The following MAP2K6 variants were observed in gnomAD, a reference collection of about 807,000 sequenced individuals.
The protein encoded by MAP2K6 is dual specificity mitogen-activated protein kinase kinase 6.
Under a neutral mutation model 53.7 loss-of-function variants are expected in MAP2K6, and 16 were observed. The observed-to-expected ratio is 0.30, with a 90% CI of 0.20 to 0.45. MAP2K6 has a LOEUF of 0.45. MAP2K6 is among the 20% of genes least tolerant of loss of function. The probability of loss-of-function intolerance (pLI) is 1.00; values close to 1 mark genes in which losing one functional copy is unlikely to be tolerated. For missense variants in MAP2K6, 204 were observed against 411.9 expected, an observed-to-expected ratio of 0.50 and a Z score of 4.37; for synonymous variants, 132 against 143.1, an observed-to-expected ratio of 0.92 and a Z score of 0.55.
intron 2 of MAP2K6, among the ~76,000 whole-genome samples, chr17:69,508,392 C>G (rs1312696394): frequency 6.6e-6 from 1 of 152,090 alleles, no homozygotes; most frequent in African/African-American, 2.4e-5. Flanking sequence ...TTTACAATTT[C>G]TCTAGTGGCT....
chr17:69,449,513 C>CT (rs1168001547), intron 1 of MAP2K6, among the ~76,000 whole-genome samples: 1 of 106,988 alleles, frequency 9.3e-6, no homozygotes, highest in African/African-American at 5.6e-5. Flanking sequence ...TTCTTTCTTT[C>CT]TTTGTCTTTC....
chr17:69,453,558 T>G (rs950535078), intron 1 of MAP2K6, among the ~76,000 whole-genome samples: 1 of 152,244 alleles, frequency 6.6e-6, no homozygotes, highest in African/African-American at 2.4e-5. Context: ...CTCTTTCTCC[T>G]GCTCACCTCT....
intron 1 of MAP2K6, among the ~76,000 whole-genome samples, chr17:69,495,425 A>G (rs1908911302): frequency 6.6e-6 from 1 of 151,910 alleles, no homozygotes; most frequent in Non-Finnish European, 1.5e-5. Flanking sequence ...TAATAGAGAC[A>G]GGGTTTCACC....
chr17:69,534,214 G>A (rs1398363406), intron 10 of MAP2K6, among the ~76,000 whole-genome samples: 3 of 152,074 alleles, frequency 2.0e-5, no homozygotes, highest in Non-Finnish European at 4.4e-5. Context: ...AACCACCCAC[G>A]TAGACTCTCA....
At chr17:69,512,808 G>T (rs1909925729) in intron 2 of MAP2K6, among the ~76,000 whole-genome samples, 1 of 152,180 alleles carries the variant, frequency 6.6e-6, no homozygotes, top group South Asian at 2.1e-4. Context: ...GTCTCACGCA[G>T]TCTCTTGCCC....
At chr17:69,489,932 C>A (rs542262488) in intron 1 of MAP2K6, among the ~76,000 whole-genome samples, 1 of 152,236 alleles carries the variant, frequency 6.6e-6, no homozygotes, top group Non-Finnish European at 1.5e-5. Flanking sequence ...ACATGACTCT[C>A]ACAAACGTCC....
intron 10 of MAP2K6, among the ~76,000 whole-genome samples, chr17:69,527,445 G>T (rs1657478024): frequency 6.6e-6 from 1 of 152,214 alleles, no homozygotes; most frequent in South Asian, 2.1e-4. Context: ...ATATTTTCAT[G>T]AAAACTGCCA....
At chr17:69,461,659 C>T (rs1221555876) in intron 1 of MAP2K6, among the ~76,000 whole-genome samples, 2 of 152,006 alleles carry the variant, frequency 1.3e-5, no homozygotes, top group Non-Finnish European at 2.9e-5. Context: ...ATCTCCAAGG[C>T]CCCCCAGGGA....
At chr17:69,481,378 A>G (rs1242848595) in intron 1 of MAP2K6, among the ~76,000 whole-genome samples, 1 of 152,092 alleles carries the variant, frequency 6.6e-6, no homozygotes, top group East Asian at 1.9e-4. Context: ...GTCTTTATAT[A>G]CCATATTTTG....
intron 1 of MAP2K6, among the ~76,000 whole-genome samples, chr17:69,473,826 T>C (rs1157597776): frequency 2.0e-5 from 3 of 152,228 alleles, no homozygotes; most frequent in African/African-American, 7.2e-5. Context: ...ATTGATCAGA[T>C]CTGTTTGGTT....
At chr17:69,448,179 A>T (rs576984292) in intron 1 of MAP2K6, among the ~76,000 whole-genome samples, 9 of 150,672 alleles carry the variant, frequency 6.0e-5, no homozygotes, top group Non-Finnish European at 1.2e-4. Flanking sequence ...AGGACCCCTT[A>T]CCCCACTAGC....
chr17:69,530,230 G>T (rs186861021), intron 10 of MAP2K6, among the ~76,000 whole-genome samples: 24 of 152,030 alleles, frequency 1.6e-4, no homozygotes, highest in Admixed American at 3.3e-4. Context: ...TGGGAGGATC[G>T]CTTGAGCTTG....
intron 6 of MAP2K6, 154 bp from the exon 7 acceptor site, chr17:69,520,895 A>G: frequency 1.8e-6 from 1 of 559,032 alleles, no homozygotes; most frequent in South Asian, 2.5e-5. Context: ...CAATTTGTGT[A>G]ACTTCCTATG....
intron 2 of MAP2K6, among the ~76,000 whole-genome samples, chr17:69,510,445 T>C (rs181100816): frequency 9.8e-5 from 15 of 152,352 alleles, no homozygotes; most frequent in Admixed American, 3.3e-4. Context: ...TATTATTTTC[T>C]AGTTTTAGTA....
chr17:69,423,702 C>T (rs1445863134), intron 1 of MAP2K6, among the ~76,000 whole-genome samples: 3 of 152,128 alleles, frequency 2.0e-5, no homozygotes, highest in Non-Finnish European at 4.4e-5. Flanking sequence ...ACTAAGTTAC[C>T]CGTCTCCTTT....
At chr17:69,514,812 T>G (rs986111451) in intron 2 of MAP2K6, among the ~76,000 whole-genome samples, 1 of 152,158 alleles carries the variant, frequency 6.6e-6, no homozygotes, top group Non-Finnish European at 1.5e-5. Context: ...TCCGCCCACC[T>G]CAGCCTCCCA....
intron 1 of MAP2K6, 132 bp downstream of exon 1, chr17:69,415,132 G>T: frequency 1.3e-6 from 1 of 796,384 alleles, no homozygotes; most frequent in Non-Finnish European, 2.1e-6. Flanking sequence ...TGCATTTCCT[G>T]TTTAGTATGT....
rs34975415 is a variant in MAP2K6, at chr17:69,495,729, T to TAA, written c.17-10042_17-10041dup. Among the ~76,000 whole-genome samples the TAA allele has an allele frequency of 9.4e-3, 1,412 of 149,816 alleles. 19 individuals are homozygous for TAA. The highest frequency in any genetic ancestry group is 0.033 in the African/African-American group (1,343 of 40,842). ...CTCGTAAACATTTCAGTATTATCTC[T>TAA]AAAAAAAAAATACTTATTTTTTAAA... On this transcript the variant is annotated intron_variant, in intron 1 of 11. Coordinates refer to ENST00000590474, the MANE Select transcript of MAP2K6 (RefSeq NM_002758.4).
Position 69,457,196 on chromosome 17 carries a change from G to C in MAP2K6, c.16+42196G>C, listed in dbSNP as rs553145019. 2.0e-5 allele frequency among the ~76,000 whole-genome samples: 3 copies of C among 152,334 alleles called. No individual in the cohort carries two copies. In the South Asian group the frequency reaches 6.2e-4, roughly 32 times the overall value. On this transcript the variant is annotated intron_variant, in intron 1 of 11. Transcript: ENST00000590474. ...GAAGGATGCAGCTTGGGATTTAGCA[G>C]ATCAAAGCATGGCCCCTGCTAGTCC...
Sources: allele counts gnomAD v4.1 joint callset (sites outside exome capture counted in the v4.1 genomes callset), GRCh38; gene constraint gnomAD v4.1.1; transcripts MANE v1.5; gene names NCBI Gene and HGNC (gene_info 2026-07-23, HGNC 2026-07-21).